Variants in PUDP observed in about 807,000 individuals in gnomAD.
PUDP encodes the protein pseudouridine 5'-phosphatase, also known as pseudouridine-5'-phosphatase.
A neutral mutation model predicts 9.4 loss-of-function variants in PUDP; 8 were observed. That is an observed-to-expected ratio of 0.85 (90% CI 0.50 to 1.53). The LOEUF is 1.53. Ranked by LOEUF, PUDP falls within the 40% of genes most tolerant of loss-of-function variation. The pLI is 0.00. For missense variants in PUDP, 188 were observed against 189.7 expected (o/e 0.99, Z 0.05); for synonymous variants, 99 against 80.7 (o/e 1.23, Z -1.22).
rs1208596528 is a variant in PUDP, at chrX:7,006,131, C to A, written c.205-27788G>T. ...TTTTTGGCTATTGTAAATAGTGCTGCCATAAACGTTGAGGTACCAATATCT... is the reference window on the plus strand; with the variant it reads ...TTTTTGGCTATTGTAAATAGTGCTGACATAAACGTTGAGGTACCAATATCT... On this transcript the variant is annotated intron_variant and NMD_transcript_variant, in intron 1 of 3. Coordinates refer to the PUDP transcript ENST00000655425. 1.8e-5 allele frequency among the ~76,000 whole-genome samples: 2 copies of A among 111,922 alleles called. 1 individual carries two copies. Among genetic ancestry groups the A allele is most frequent in the African/African-American group, 6.5e-5 (2 of 30,676 alleles).
intron 3 of PUDP, among the ~76,000 whole-genome samples, chrX:6,921,966 T>A (rs1928030643): frequency 9.0e-6 from 1 of 111,482 alleles, no homozygotes; most frequent in South Asian, 3.7e-4. Context: ...GTGGCTCAGA[T>A]GAATATGGTT....
intron 3 of PUDP, among the ~76,000 whole-genome samples, chrX:6,797,484 T>C (rs1184848482): frequency 9.0e-6 from 1 of 111,699 alleles, no homozygotes; most frequent in African/African-American, 3.3e-5. Context: ...TCTTGGGTCA[T>C]TCATCCTGAA....
At chrX:6,729,918 A>G (rs1056098100) in intron 3 of PUDP, among the ~76,000 whole-genome samples, 1 of 111,785 alleles carries the variant, frequency 8.9e-6, no homozygotes, top group African/African-American at 3.3e-5. Context: ...ACCCCAGCCA[A>G]TGGGAAAAGG....
At chrX:6,758,389 G>A (rs755697580) in intron 3 of PUDP, among the ~76,000 whole-genome samples, 3 of 111,555 alleles carry the variant, frequency 2.7e-5, no homozygotes, top group South Asian at 3.9e-4. Flanking sequence ...TTTGAGCCCA[G>A]GAGGTTGAGG....
intron 1 of PUDP, among the ~76,000 whole-genome samples, chrX:7,024,871 G>A (rs1472793664): frequency 4.7e-5 from 5 of 106,797 alleles, no homozygotes; most frequent in Non-Finnish European, 7.7e-5. Flanking sequence ...GATTACAGGC[G>A]TGAGCCACTG....
chrX:7,136,429 C>A (rs972288829), intron 1 of PUDP, among the ~76,000 whole-genome samples: 5 of 112,040 alleles, frequency 4.5e-5, no homozygotes, highest in African/African-American at 1.6e-4. Flanking sequence ...TCGTCTCCTG[C>A]ATGATTACTC....
intron 1 of PUDP, among the ~76,000 whole-genome samples, chrX:6,712,126 T>C (rs760546903): frequency 9.8e-5 from 11 of 111,922 alleles, no homozygotes; most frequent in Non-Finnish European, 1.7e-4. Context: ...CCACATTTTA[T>C]TTTATTTTAA....
upstream of PUDP, among the ~76,000 whole-genome samples, chrX:6,725,740 C>T (rs761260210): frequency 8.9e-6 from 1 of 111,867 alleles, no homozygotes; most frequent in South Asian, 3.8e-4. Flanking sequence ...CAAGAATGGC[C>T]ATTATTAAAA....
At chrX:6,750,940 C>T (rs1161832073) in intron 3 of PUDP, among the ~76,000 whole-genome samples, 2 of 110,796 alleles carry the variant, frequency 1.8e-5, no homozygotes, top group Non-Finnish European at 1.9e-5. Flanking sequence ...GAGATGGAGA[C>T]CATCCTGGCT....
rs777116786 is a variant in PUDP at position 6,903,960 on chromosome X, T to A, written c.*247+73173A>T. Reference sequence around the variant, plus strand: ...TTAAAAAATATATATATATTTATTTTTTTTTTTTTGAGATGGAGTCTCACT... The same window carrying A: ...TTAAAAAATATATATATATTTATTTATTTTTTTTTGAGATGGAGTCTCACT... On this transcript the variant is annotated intron_variant and NMD_transcript_variant, in intron 3 of 3. Transcript: ENST00000655425. Among the ~76,000 whole-genome samples, 123 of 106,471 alleles carry A rather than the reference T, an allele frequency of 1.2e-3. 1 individual carries two copies. The highest frequency in any genetic ancestry group is 4.8e-3 in the Middle Eastern group (1 of 207). The allele number at this position is 106,471 out of a possible 115,157, so 92.5% of individuals were successfully genotyped here. A position where few individuals can be genotyped will look rare whatever the true frequency, so the allele number is the denominator to read the frequency against.
At chrX:7,028,469 G>A in intron 1 of PUDP, among the ~76,000 whole-genome samples, 1 of 111,571 alleles carries the variant, frequency 9.0e-6, no homozygotes, top group Non-Finnish European at 1.9e-5. Flanking sequence ...CTCATCCAGG[G>A]AGTAAGAGAG....
intron 3 of PUDP, among the ~76,000 whole-genome samples, chrX:6,864,254 T>C (rs1400734526): frequency 8.9e-6 from 1 of 112,300 alleles, no homozygotes; most frequent in Non-Finnish European, 1.9e-5. Flanking sequence ...TCTGTTGGTG[T>C]CCATGTTTGT....
intron 3 of PUDP, among the ~76,000 whole-genome samples, chrX:6,967,769 A>C (rs1268650119): frequency 9.0e-6 from 1 of 111,662 alleles, no homozygotes; most frequent in Non-Finnish European, 1.9e-5. Flanking sequence ...CCTTCTCTCC[A>C]AAGCCAGCCA....
At position 6,933,130 on chromosome X, in the gene PUDP, C is replaced by T. The variant is rs760915651; in HGVS notation, c.*247+44003G>A. On this transcript the variant is annotated intron_variant and NMD_transcript_variant, in intron 3 of 3. Coordinates refer to the PUDP transcript ENST00000655425. ...TTGAAGAGAGCAGTGGTTCTCCCAG[C>T]ACGCAGCTGGAGATCTGAGAACACG... Among the ~76,000 whole-genome samples, 12 of 109,385 alleles carry T rather than the reference C, an allele frequency of 1.1e-4. No homozygotes were observed. The South Asian group carries it at 4.4e-3, about 40-fold the overall frequency. 95.0% of individuals were successfully genotyped at this position (109,385 alleles called of 115,157 possible).
intron 1 of PUDP, among the ~76,000 whole-genome samples, chrX:7,037,567 G>A (rs1198304951): frequency 2.7e-5 from 3 of 111,756 alleles, no homozygotes; most frequent in African/African-American, 9.8e-5. Flanking sequence ...ACCTTCTCTT[G>A]GAGTTCCCAA....
intron 3 of PUDP, among the ~76,000 whole-genome samples, chrX:6,781,358 CT>C (rs1321000611): frequency 9.0e-6 from 1 of 111,711 alleles, no homozygotes; most frequent in African/African-American, 3.3e-5. Flanking sequence ...TTACGGCACT[CT>C]TTTTTTATGA....
chrX:6,901,806 A>G, intron 3 of PUDP, among the ~76,000 whole-genome samples: 1 of 112,730 alleles, frequency 8.9e-6, no homozygotes, highest in Non-Finnish European at 1.9e-5. Context: ...AATTTTTTAA[A>G]TTCCAGGAAA....
intron 1 of PUDP, among the ~76,000 whole-genome samples, chrX:7,015,462 C>T (rs180883996): frequency 3.1e-3 from 351 of 111,989 alleles, no homozygotes; most frequent in Non-Finnish European, 5.0e-3. Context: ...CCCTCAAAGG[C>T]CCCTCTATTC....
At chrX:7,026,610 A>T (rs1291706891) in intron 1 of PUDP, among the ~76,000 whole-genome samples, 1 of 111,458 alleles carries the variant, frequency 9.0e-6, no homozygotes, top group African/African-American at 3.3e-5. Context: ...GTCTCCATCC[A>T]GGGTGATGCC....
Sources: allele counts gnomAD v4.1 joint callset (sites outside exome capture counted in the v4.1 genomes callset), GRCh38; gene constraint gnomAD v4.1.1; transcripts MANE v1.5; gene names NCBI Gene and HGNC (gene_info 2026-07-23, HGNC 2026-07-21).